GPHN: variants seen among roughly 807,000 people sequenced by gnomAD.
The protein encoded by GPHN is gephyrin.
Under a neutral mutation model 95.5 loss-of-function variants are expected in GPHN, and 17 were observed. The observed-to-expected ratio is 0.18, with a 90% CI of 0.12 to 0.27. The LOEUF is 0.27. Ranked by LOEUF, GPHN falls within the 10% of genes least tolerant of loss-of-function variation. The probability of loss-of-function intolerance (pLI) is 1.00; values close to 1 mark genes in which losing one functional copy is unlikely to be tolerated. For missense variants in GPHN, 660 were observed against 978.1 expected, an observed-to-expected ratio of 0.67 and a Z score of 4.34; for synonymous variants, 320 against 322.5, an observed-to-expected ratio of 0.99 and a Z score of 0.08.
intron 10 of GPHN, among the ~76,000 whole-genome samples, chr14:67,026,721 C>T (rs962630764): frequency 7.9e-5 from 12 of 152,322 alleles, no homozygotes; most frequent in Non-Finnish European, 1.5e-4. Flanking sequence ...CGGCTCACTG[C>T]AGGCTCCGCC....
chr14:66,776,330 G>T, intron 2 of GPHN, 134 bp from the exon 3 acceptor site: 2 of 711,410 alleles, frequency 2.8e-6, no homozygotes, highest in Non-Finnish European at 2.6e-6. Flanking sequence ...GCACAAAATG[G>T]TTGTTTTTCC....
At chr14:66,615,151 A>C (rs869298440) in intron 1 of GPHN, among the ~76,000 whole-genome samples, 1 of 152,042 alleles carries the variant, frequency 6.6e-6, no homozygotes, top group Non-Finnish European at 1.5e-5. Flanking sequence ...TTGCTATTGT[A>C]AATAGTGCTG....
At chr14:67,213,991 C>T in the GPHN span, among the ~76,000 whole-genome samples, 52 of 152,220 alleles carry the variant, frequency 3.4e-4, no homozygotes, top group African/African-American at 7.9e-4. Flanking sequence ...TCATGTCCTT[C>T]GCCCACTTTT....
At chr14:66,818,853 G>A (rs187361137) in intron 3 of GPHN, among the ~76,000 whole-genome samples, 77 of 152,204 alleles carry the variant, frequency 5.1e-4, no homozygotes, top group African/African-American at 1.6e-3. Context: ...GTGATGTTGA[G>A]CTTTTGTTCA....
chr14:66,945,178 G>A (rs2067673373), intron 8 of GPHN, among the ~76,000 whole-genome samples: 1 of 151,878 alleles, frequency 6.6e-6, no homozygotes, highest in Non-Finnish European at 1.5e-5. Context: ...GATTTATTGT[G>A]TGAAAAAAAA....
chr14:66,691,167 C>T (rs113442885), intron 2 of GPHN, among the ~76,000 whole-genome samples: 121 of 152,104 alleles, frequency 8.0e-4, no homozygotes, highest in Non-Finnish European at 1.5e-3. Context: ...CATAGTGAGA[C>T]ACTGTCTCTA....
intron 1 of GPHN, among the ~76,000 whole-genome samples, chr14:66,584,354 C>G (rs371087398): frequency 6.6e-6 from 1 of 152,270 alleles, no homozygotes; most frequent in South Asian, 2.1e-4. Flanking sequence ...TTGACTTCCT[C>G]TTTTCCTAAT....
chr14:67,397,597 A>C, the GPHN span: 3 of 1,391,280 alleles, frequency 2.2e-6, no homozygotes, highest in African/African-American at 1.4e-5. Context: ...CCACTTTCCC[A>C]AAGAGGCCAG....
chr14:67,291,241 T>A, the GPHN span, among the ~76,000 whole-genome samples: 1 of 151,840 alleles, frequency 6.6e-6, no homozygotes, highest in Non-Finnish European at 1.5e-5. Flanking sequence ...GTGCTTTTTT[T>A]TTTTTGAGAT....
chr14:66,653,816 A>G (rs2065175743), intron 1 of GPHN, among the ~76,000 whole-genome samples: 1 of 152,198 alleles, frequency 6.6e-6, no homozygotes, highest in South Asian at 2.1e-4. Context: ...CCACAGTCTA[A>G]CATTCACTGA....
the GPHN span, chr14:67,221,939 A>C: frequency 8.9e-7 from 1 of 1,127,452 alleles, no homozygotes; most frequent in Non-Finnish European, 1.3e-6. Context: ...TCCTTTCTTC[A>C]CTATGCTCCA....
chr14:66,998,438 T>C (rs148785951), intron 9 of GPHN, among the ~76,000 whole-genome samples: 40 of 152,308 alleles, frequency 2.6e-4, no homozygotes, highest in African/African-American at 7.9e-4. Context: ...TTCTTTTTAG[T>C]CTTAAATTGG....
At position 66,863,224 on chromosome 14, in the gene GPHN, A is replaced by G. The variant is rs571057165; in HGVS notation, c.295-16715A>G. Among the ~76,000 whole-genome samples, 3 of 151,762 alleles carry G rather than the reference A, an allele frequency of 2.0e-5. No homozygotes were observed. The East Asian group carries it at 5.8e-4, about 29-fold the overall frequency. ...AGAAAAAAAAAAAAGTCCCATTTAC[A>G]ATAGCCACAGAGAAAATTAAATACC... On this transcript the variant is annotated intron_variant, in intron 4 of 22. Transcript: ENST00000478722.
At chr14:67,392,226 C>A in the GPHN span, 4 of 817,464 alleles carry the variant, frequency 4.9e-6, no homozygotes, top group South Asian at 5.6e-5. Context: ...GTAATTGGTG[C>A]CCTCCAGCAG....
intron 9 of GPHN, among the ~76,000 whole-genome samples, chr14:67,021,236 T>TA (rs1342154721): frequency 1.3e-5 from 2 of 152,136 alleles, no homozygotes; most frequent in Non-Finnish European, 2.9e-5. Flanking sequence ...CACACACACA[T>TA]ACTCAAGATC....
At chr14:67,729,264 C>T in the GPHN span, 3 of 1,607,968 alleles carry the variant, frequency 1.9e-6, no homozygotes, top group South Asian at 1.1e-5. Flanking sequence ...CCTCCCTGCT[C>T]TGCCTGCTCT....
chr14:67,402,713 A>G, the GPHN span, among the ~76,000 whole-genome samples: 2 of 152,230 alleles, frequency 1.3e-5, no homozygotes, highest in African/African-American at 4.8e-5. Flanking sequence ...TTCATTTAAC[A>G]TAATGACCTC....
chr14:67,300,459 C>G, the GPHN span, among the ~76,000 whole-genome samples: 1 of 152,054 alleles, frequency 6.6e-6, no homozygotes, highest in Non-Finnish European at 1.5e-5. Context: ...TCTTGAGTAG[C>G]TGGAATTACA....
At chr14:67,088,342 T>C (rs894809174) in intron 11 of GPHN, among the ~76,000 whole-genome samples, 5 of 152,182 alleles carry the variant, frequency 3.3e-5, no homozygotes, top group African/African-American at 4.8e-5. Flanking sequence ...TCTACTGATA[T>C]ATACACATAT....
Sources: allele counts gnomAD v4.1 joint callset (sites outside exome capture counted in the v4.1 genomes callset), GRCh38; gene constraint gnomAD v4.1.1; transcripts MANE v1.5; gene names NCBI Gene and HGNC (gene_info 2026-07-23, HGNC 2026-07-21).